The following GSK3B variants were observed in gnomAD, a reference collection of about 807,000 sequenced individuals.
The protein encoded by GSK3B is glycogen synthase kinase 3 beta.
A neutral mutation model predicts 56.4 loss-of-function variants in GSK3B; 15 were observed. The observed-to-expected ratio is 0.27, with a 90% CI of 0.18 to 0.41. The LOEUF (loss-of-function observed/expected upper bound fraction) is 0.41. Ranked by LOEUF, GSK3B falls within the 10% of genes least tolerant of loss-of-function variation. The probability of loss-of-function intolerance (pLI) is 1.00; values close to 1 mark genes in which losing one functional copy is unlikely to be tolerated. For synonymous variants in GSK3B, 181 were observed against 188.9 expected (o/e 0.96, Z 0.34); for missense variants, 300 against 513.4 (o/e 0.58, Z 4.02).
At chr3:119,834,998 T>C (rs1381838329) in intron 10 of GSK3B, among the ~76,000 whole-genome samples, 3 of 152,188 alleles carry the variant, frequency 2.0e-5, no homozygotes, top group East Asian at 3.9e-4. Flanking sequence ...TACAATCTCA[T>C]TGGTGTCAGT....
chr3:119,910,738 G>A (rs1425099075), intron 6 of GSK3B, among the ~76,000 whole-genome samples: 2 of 152,130 alleles, frequency 1.3e-5, no homozygotes, highest in African/African-American at 4.8e-5. Flanking sequence ...TTCAAAATGG[G>A]AGTCAGTCCT....
At chr3:119,953,787 C>T (rs2107498638) in intron 2 of GSK3B, among the ~76,000 whole-genome samples, 1 of 152,282 alleles carries the variant, frequency 6.6e-6, no homozygotes, top group South Asian at 2.1e-4. Context: ...TCTCTCCAAC[C>T]TACACACATT....
chr3:119,840,506 G>A (rs760030806), intron 10 of GSK3B, among the ~76,000 whole-genome samples: 1 of 152,134 alleles, frequency 6.6e-6, no homozygotes, highest in East Asian at 1.9e-4. Context: ...TTACAGGTGT[G>A]AGCCACCGCG....
At chr3:119,878,023 A>T (rs1040415038) in intron 7 of GSK3B, among the ~76,000 whole-genome samples, 1 of 152,204 alleles carries the variant, frequency 6.6e-6, no homozygotes, top group Non-Finnish European at 1.5e-5. Context: ...GGTGGCAACC[A>T]GTGAATAATC....
chr3:119,960,421 TAGAA>T (rs1442159952), intron 2 of GSK3B, among the ~76,000 whole-genome samples: 2 of 151,764 alleles, frequency 1.3e-5, no homozygotes, highest in South Asian at 2.1e-4. Flanking sequence ...AAAAAAAAAA[TAGAA>T]AGAAATATAT....
chr3:120,050,311 C>T (rs781193781), intron 1 of GSK3B, among the ~76,000 whole-genome samples: 4 of 152,168 alleles, frequency 2.6e-5, no homozygotes, highest in Non-Finnish European at 4.4e-5. Context: ...CATTGATGAT[C>T]GAAACAAGTT....
chr3:119,893,715 C>T (rs2056529752), intron 7 of GSK3B, among the ~76,000 whole-genome samples: 1 of 152,118 alleles, frequency 6.6e-6, no homozygotes, highest in Non-Finnish European at 1.5e-5. Flanking sequence ...TTGATCAGCT[C>T]TCCTTCCCTT....
At chr3:119,829,712 G>A (rs1211381947) in intron 10 of GSK3B, among the ~76,000 whole-genome samples, 2 of 152,162 alleles carry the variant, frequency 1.3e-5, no homozygotes, top group African/African-American at 4.8e-5. Flanking sequence ...TAAATTCAAC[G>A]ACTGCTTGCA....
At chr3:119,980,407 C>T (rs1372151765) in intron 2 of GSK3B, among the ~76,000 whole-genome samples, 1 of 151,948 alleles carries the variant, frequency 6.6e-6, no homozygotes, top group African/African-American at 2.4e-5. Context: ...GGCTGAAGTA[C>T]AATAGCACAA....
At chr3:119,959,815 A>G (rs1436786690) in intron 2 of GSK3B, among the ~76,000 whole-genome samples, 1 of 151,968 alleles carries the variant, frequency 6.6e-6, no homozygotes, top group African/African-American at 2.4e-5. Context: ...TTGTTCCCAA[A>G]GTGCTAGGAT....
At chr3:119,998,529 C>G (rs2057645969) in intron 2 of GSK3B, among the ~76,000 whole-genome samples, 1 of 152,140 alleles carries the variant, frequency 6.6e-6, no homozygotes, top group Admixed American at 6.5e-5. Context: ...CACAGAAGCA[C>G]TGAGATAATA....
rs182706044 is a variant in GSK3B at position 120,083,052 on chromosome 3, T to C, written c.88+10295A>G. Reference sequence around the variant, plus strand: ...CTTAATAAAATGATACAAAGTAACCTTCCAACATCTATTTCTCAGTATCTA... The same window carrying C: ...CTTAATAAAATGATACAAAGTAACCCTCCAACATCTATTTCTCAGTATCTA... On this transcript the variant is annotated intron_variant, in intron 1 of 10. Transcript: ENST00000264235. 4.8e-4 allele frequency among the ~76,000 whole-genome samples: 73 copies of C among 152,306 alleles called. 1 individual carries two copies. The highest frequency in any genetic ancestry group is 1.5e-4 in the Non-Finnish European group (10 of 68,014).
rs1266013135 is a variant in GSK3B at position 120,094,051 on chromosome 3, TGGCGGC to T, written c.-623_-618del. On this transcript the variant is annotated 5_prime_UTR_variant, in exon 1 of 11. Coordinates refer to ENST00000264235, the MANE Select transcript of GSK3B (RefSeq NM_001146156.2). ...GTCAGTCAGAGGCGGGCGGTGGCGG[TGGCGGC>T]GGCTCCTCTCCTCATTGCGCCAGGA... 16 of 220,912 alleles carry T rather than the reference TGGCGGC, an allele frequency of 7.2e-5. 1 individual carries two copies. The highest frequency in any genetic ancestry group is 1.4e-4 in the Non-Finnish European group (15 of 110,180). 13.7% of individuals were successfully genotyped at this position (220,912 alleles called of 1,614,324 possible). A position where few individuals can be genotyped will look rare whatever the true frequency, so the allele number is the denominator to read the frequency against.
intron 1 of GSK3B, among the ~76,000 whole-genome samples, chr3:120,068,879 T>C (rs1474816359): frequency 6.6e-6 from 1 of 151,798 alleles, no homozygotes; most frequent in South Asian, 2.1e-4. Flanking sequence ...AAAAGTGACA[T>C]AAAAATAAAA....
At chr3:119,851,739 C>T (rs2108020243) in intron 9 of GSK3B, among the ~76,000 whole-genome samples, 1 of 152,334 alleles carries the variant, frequency 6.6e-6, no homozygotes. Context: ...TACAAGAAGT[C>T]TGACCTCCTC....
At chr3:119,935,819 C>T (rs536035744) in intron 3 of GSK3B, among the ~76,000 whole-genome samples, 97 of 152,044 alleles carry the variant, frequency 6.4e-4, no homozygotes, top group Non-Finnish European at 1.1e-3. Flanking sequence ...AACTACTGAT[C>T]GATATCCCTT....
At chr3:119,877,771 G>A (rs868696086) in intron 7 of GSK3B, among the ~76,000 whole-genome samples, 3 of 152,102 alleles carry the variant, frequency 2.0e-5, no homozygotes, top group Admixed American at 6.5e-5. Flanking sequence ...GCACTTCATT[G>A]TCTCTAGAGC....
chr3:119,993,453 T>A (rs2057585589), intron 2 of GSK3B, among the ~76,000 whole-genome samples: 1 of 150,636 alleles, frequency 6.6e-6, no homozygotes, highest in African/African-American at 2.4e-5. Context: ...AAATTAAAAT[T>A]AAAAAAAAAG....
Position 119,824,447 on chromosome 3 carries a change from C to A in GSK3B, c.*2341G>T, listed in dbSNP as rs2055468772. ...GGGGCAACCTGTTTCCTAAAATAAG[C>A]ACTGATTTTTATGGACTCTGGGGAG... On this transcript the variant is annotated 3_prime_UTR_variant, in exon 11 of 11. Coordinates refer to ENST00000264235, the MANE Select transcript of GSK3B (RefSeq NM_001146156.2). The A allele has an allele frequency of 9.3e-6, 2 of 215,224 alleles. No homozygotes were observed. Among genetic ancestry groups the A allele is most frequent in the Admixed American group, 5.8e-5 (1 of 17,100 alleles). 13.3% of individuals were successfully genotyped at this position (215,224 alleles called of 1,614,324 possible). A position where few individuals can be genotyped will look rare whatever the true frequency, so the allele number is the denominator to read the frequency against.
Sources: gnomAD v4.1 joint callset for allele counts (sites outside exome capture counted in the v4.1 genomes callset) on GRCh38, gnomAD v4.1.1 for gene constraint, MANE v1.5 for transcripts, NCBI Gene and HGNC (gene_info 2026-07-23, HGNC 2026-07-21) for gene names.